The following CRMP1 variants were observed in gnomAD, a reference collection of about 807,000 sequenced individuals.
CRMP1 encodes the protein dihydropyrimidinase-related protein 1.
A neutral mutation model predicts 68.3 loss-of-function variants in CRMP1; 19 were observed. The ratio of observed to expected loss-of-function variants is 0.28; its 90% CI spans 0.19 to 0.41. The LOEUF is 0.41. Ranked by LOEUF, CRMP1 falls within the 10% of genes least tolerant of loss-of-function variation. The pLI, the probability that CRMP1 is intolerant of heterozygous loss-of-function variation, is 1.00. For missense variants in CRMP1, 791 were observed against 967.4 expected (o/e 0.82, Z 2.42); for synonymous variants, 439 against 399.6 (o/e 1.10, Z -1.18).
At position 5,838,449 on chromosome 4, in the gene CRMP1, G is replaced by A. The variant is rs1243078868; in HGVS notation, c.1310+1073C>T. On this transcript the variant is annotated intron_variant, in intron 9 of 13. Coordinates refer to ENST00000324989, the MANE Select transcript of CRMP1 (RefSeq NM_001014809.3). This position sits in a 1 kb window ranked among gnomAD's most constrained non-coding sequence, Gnocchi z 4.9. ...GACAGCAGACTGTGATGGGTAGGGT[G>A]GGGTGGGCCCGTGTGGAAATAGAAA... 6.6e-6 allele frequency among the ~76,000 whole-genome samples: 1 copy of A among 152,134 alleles called. No homozygotes were observed. The highest frequency in any genetic ancestry group is 1.5e-5 in the Non-Finnish European group (1 of 68,024).
At chr4:5,874,807 C>T (rs762973403) in intron 1 of CRMP1, among the ~76,000 whole-genome samples, 12 of 152,184 alleles carry the variant, frequency 7.9e-5, no homozygotes, top group South Asian at 4.1e-4. Flanking sequence ...AATACATGGA[C>T]ACATAATAAA....
chr4:5,887,433 C>G (rs958459877), intron 1 of CRMP1: 1 of 985,500 alleles, frequency 1.0e-6, no homozygotes, highest in Non-Finnish European at 1.2e-6. Flanking sequence ...TCAGGCTCCA[C>G]GCTGATGCCA....
chr4:5,890,152 C>T lies in CRMP1; in HGVS notation c.381+2437G>A, dbSNP rs535720550. 5.3e-6 allele frequency: 1 copy of T among 189,812 alleles called. No individual in the cohort carries two copies. Among genetic ancestry groups the T allele is most frequent in the South Asian group, 1.2e-4 (1 of 8,374 alleles). 11.8% of individuals were successfully genotyped at this position (189,812 alleles called of 1,614,324 possible). A position where few individuals can be genotyped will look rare whatever the true frequency, so the allele number is the denominator to read the frequency against. The stretch of plus-strand genomic sequence containing the variant: ...CTGTCCCTCCCCAACTCCTACACTC[C>T]CTTCCTTGGAGTTGTTAAGTCCTAG... On this transcript the variant is annotated intron_variant, in intron 1 of 13. Transcript: ENST00000324989. This position sits in a 1 kb window ranked among gnomAD's most constrained non-coding sequence, Gnocchi z 5.5.
rs1711892789 is a variant in CRMP1 at position 5,842,910 on chromosome 4, T to C, written c.1032+183A>G. On this transcript the variant is annotated intron_variant, in intron 7 of 13. Transcript: ENST00000324989. The surrounding 1 kb of genome is among the most constrained non-coding windows in gnomAD (Gnocchi z 4.5). The stretch of plus-strand genomic sequence containing the variant: ...CCAGGACCCTGGGAGAGGCAGCACC[T>C]CTTCCTGTCTTCTCCAGCCAGCAGT... Among the ~76,000 whole-genome samples the C allele has an allele frequency of 6.6e-6, 1 of 152,136 alleles. No homozygotes were observed. The highest frequency in any genetic ancestry group is 6.5e-5 in the Admixed American group (1 of 15,286).
At position 5,858,696 on chromosome 4, in the gene CRMP1, C is replaced by A. The variant is rs1713319526; in HGVS notation, c.655+2330G>T. ...CTCCAAAACACAGAACAGTTCACATCTCTCCCTGCTTAAAATACCTCAACA... is the reference window on the plus strand; with the variant it reads ...CTCCAAAACACAGAACAGTTCACATATCTCCCTGCTTAAAATACCTCAACA... On this transcript the variant is annotated intron_variant, in intron 3 of 13. Transcript: ENST00000324989. The surrounding 1 kb of genome is among the most constrained non-coding windows in gnomAD (Gnocchi z 5.5). 6.6e-6 allele frequency among the ~76,000 whole-genome samples: 1 copy of A among 152,172 alleles called. No individual in the cohort carries two copies. Among genetic ancestry groups the A allele is most frequent in the African/African-American group, 2.4e-5 (1 of 41,438 alleles).
At chr4:5,847,422 G>C (rs761847205) in intron 6 of CRMP1, among the ~76,000 whole-genome samples, 4 of 152,138 alleles carry the variant, frequency 2.6e-5, no homozygotes, top group African/African-American at 4.8e-5. Context: ...AGACAGATTG[G>C]GAGGAAGTCT....
chr4:5,868,241 C>A (rs1714128178), intron 1 of CRMP1, among the ~76,000 whole-genome samples: 1 of 141,508 alleles, frequency 7.1e-6, no homozygotes. Context: ...ACTTGCCGCA[C>A]ATTCTTCATG....
At chr4:5,822,310 G>T (rs1718747714) in intron 13 of CRMP1, among the ~76,000 whole-genome samples, 1 of 152,188 alleles carries the variant, frequency 6.6e-6, no homozygotes. Flanking sequence ...GGGAAGCCAG[G>T]ATTGAAGCCC....
rs1329144924 is a variant in CRMP1 at position 5,865,685 on chromosome 4, T to C, written c.470+983A>G. The stretch of plus-strand genomic sequence containing the variant: ...CTGCCTGGCGTTATGGACTGAATTG[T>C]ATCTCCCAAAATTCATGTTGAAGCC... On this transcript the variant is annotated intron_variant, in intron 2 of 13. Transcript: ENST00000324989. The surrounding 1 kb of genome is among the most constrained non-coding windows in gnomAD (Gnocchi z 4.1). Among the ~76,000 whole-genome samples, 1 of 151,626 alleles carries C rather than the reference T, an allele frequency of 6.6e-6. No individual in the cohort carries two copies. Among genetic ancestry groups the C allele is most frequent in the Non-Finnish European group, 1.5e-5 (1 of 68,010 alleles).
intron 3 of CRMP1, among the ~76,000 whole-genome samples, chr4:5,856,662 C>G (rs1713087257): frequency 6.6e-6 from 1 of 151,530 alleles, no homozygotes; most frequent in South Asian, 2.1e-4. Flanking sequence ...CCATGACCAT[C>G]ATTACCATCA....
chr4:5,889,987 A>AGCTGCTTT lies in CRMP1; in HGVS notation c.381+2601_381+2602insAAAGCAGC. ...ATGTACCCCGGGTGCAAAACATATT[A>AGCTGCTTT]GCTGCAGCAAAGCAGCATGGAGATG... On this transcript the variant is annotated intron_variant, in intron 1 of 13. Coordinates refer to ENST00000324989, the MANE Select transcript of CRMP1 (RefSeq NM_001014809.3). The surrounding 1 kb of genome is among the most constrained non-coding windows in gnomAD (Gnocchi z 4.5). 1 of 1,154,388 alleles carries AGCTGCTTT rather than the reference A, an allele frequency of 8.7e-7. No individual in the cohort carries two copies. The highest frequency in any genetic ancestry group is 1.1e-6 in the Non-Finnish European group (1 of 907,398). 71.5% of individuals were successfully genotyped at this position (1,154,388 alleles called of 1,614,324 possible). A position where few individuals can be genotyped will look rare whatever the true frequency, so the allele number is the denominator to read the frequency against.
At position 5,841,318 on chromosome 4, in the gene CRMP1, G is replaced by C; in HGVS notation, c.1143C>G (p.Ala381=). The change falls in exon 8 of 14, where the codon GCC becomes GCG. Residue 381 remains alanine, a synonymous_variant. Transcript: ENST00000324989. The surrounding 1 kb of genome is among the most constrained non-coding windows in gnomAD (Gnocchi z 6.9). ...GGGCCGGCTGCATACCTTTCTTCCTGGCCAGAGCGATGATGTCGGCTGCAC... is the reference window on the plus strand; with the variant it reads ...GGGCCGGCTGCATACCTTTCTTCCTCGCCAGAGCGATGATGTCGGCTGCAC... ...SKSAADIIAL[A]RKKGPLVFGE... The C allele has an allele frequency of 6.2e-7, 1 of 1,613,878 alleles. No individual in the cohort carries two copies. The highest frequency in any genetic ancestry group is 1.1e-5 in the South Asian group (1 of 91,066).
intron 11 of CRMP1, among the ~76,000 whole-genome samples, chr4:5,830,935 TAA>T (rs1197647358): frequency 6.6e-6 from 1 of 152,188 alleles, no homozygotes; most frequent in Non-Finnish European, 1.5e-5. Context: ...TGAATTTATG[TAA>T]GTCTTTAGTT....
intron 1 of CRMP1, among the ~76,000 whole-genome samples, chr4:5,876,445 G>A (rs1485405804): frequency 1.3e-5 from 2 of 152,098 alleles, no homozygotes; most frequent in Non-Finnish European, 2.9e-5. Context: ...TTCCTCAGTG[G>A]GAAGGGCAGG....
At chr4:5,827,585 C>A (rs746275737) in intron 12 of CRMP1, among the ~76,000 whole-genome samples, 1 of 152,184 alleles carries the variant, frequency 6.6e-6, no homozygotes, top group Non-Finnish European at 1.5e-5. Flanking sequence ...TGGCCACACA[C>A]ACAGAGCTCA....
rs1273122968 is a variant in CRMP1 at position 5,858,878 on chromosome 4, G to A, written c.655+2148C>T. On this transcript the variant is annotated intron_variant, in intron 3 of 13. Transcript: ENST00000324989. The surrounding 1 kb of genome is among the most constrained non-coding windows in gnomAD (Gnocchi z 5.5). ...CTGCAGTCTCTGGAATGGGAGGTGTGTTCTCACCTCAGGGCCTTTGCACAT... is the reference window on the plus strand; with the variant it reads ...CTGCAGTCTCTGGAATGGGAGGTGTATTCTCACCTCAGGGCCTTTGCACAT... Among the ~76,000 whole-genome samples, 1 of 152,140 alleles carries A rather than the reference G, an allele frequency of 6.6e-6. No homozygotes were observed. The highest frequency in any genetic ancestry group is 1.5e-5 in the Non-Finnish European group (1 of 68,016).
At position 5,888,228 on chromosome 4, in the gene CRMP1, C is replaced by A; in HGVS notation, c.381+4361G>T. 2 of 1,276,066 alleles carry A rather than the reference C, an allele frequency of 1.6e-6. No individual in the cohort carries two copies. Among genetic ancestry groups the A allele is most frequent in the Non-Finnish European group, 2.0e-6 (2 of 1,005,814 alleles). 79.0% of individuals were successfully genotyped at this position (1,276,066 alleles called of 1,614,324 possible). On this transcript the variant is annotated intron_variant, in intron 1 of 13. Transcript: ENST00000324989. This position sits in a 1 kb window ranked among gnomAD's most constrained non-coding sequence, Gnocchi z 6.4. Reference sequence around the variant, plus strand: ...GGCGGCGGGGGCGGGGGCCGCTTACCGTGATGTGCGGGATGCTCTTCTTGC... The same window carrying A: ...GGCGGCGGGGGCGGGGGCCGCTTACAGTGATGTGCGGGATGCTCTTCTTGC...
rs1720756466 is a variant in CRMP1, at chr4:5,836,794, G to A, written c.1423C>T (p.Arg475Trp). Residue 475 changes from arginine (R) to tryptophan (W), a missense_variant, in exon 10 of 14, where the codon CGG becomes TGG. This residue lies in a region of CRMP1 where 594 missense variants were observed against 763.6 expected (regional missense o/e 0.78). Coordinates refer to ENST00000324989, the MANE Select transcript of CRMP1 (RefSeq NM_001014809.3). ...IPEGVNGIEE[R>W]MTVVWDKAVA... is the part of the protein sequence containing the mutation. ...GCCTTGTCCCAGACGACCGTCATCC[G>A]CTCCTCTATCCCGTTGACACCCTCG... 2 of 1,614,020 alleles carry A rather than the reference G, an allele frequency of 1.2e-6. No homozygotes were observed. The highest frequency in any genetic ancestry group is 8.5e-7 in the Non-Finnish European group (1 of 1,179,912).
chr4:5,829,323 A>T (rs1720171370), intron 11 of CRMP1, among the ~76,000 whole-genome samples: 1 of 152,126 alleles, frequency 6.6e-6, no homozygotes, highest in Non-Finnish European at 1.5e-5. Context: ...TGGGAGGTGG[A>T]GGTTGCAGTG....
Sources: allele counts gnomAD v4.1 joint callset (sites outside exome capture counted in the v4.1 genomes callset), GRCh38; gene constraint gnomAD v4.1.1; regional missense constraint gnomAD v4.1.1; non-coding constraint Gnocchi (gnomAD v3.1); transcripts MANE v1.5; gene names NCBI Gene and HGNC (gene_info 2026-07-23, HGNC 2026-07-21).